The following PAM variants were observed in gnomAD, a reference collection of about 807,000 sequenced individuals.
The protein encoded by PAM is peptidylglycine alpha-amidating monooxygenase.
Under a neutral mutation model 122.1 loss-of-function variants are expected in PAM, and 72 were observed. That is an observed-to-expected ratio of 0.59 (90% CI 0.49 to 0.72). PAM has a LOEUF of 0.72. Ranked by LOEUF, PAM falls within the 30% of genes least tolerant of loss-of-function variation. The pLI is 0.00. For missense variants in PAM, 1,106 were observed against 1,183.7 expected (o/e 0.93, Z 0.96); for synonymous variants, 389 against 404.4 (o/e 0.96, Z 0.46).
chr5:102,930,149 ACAAT>A (rs1193303057), intron 7 of PAM, among the ~76,000 whole-genome samples: 5 of 152,220 alleles, frequency 3.3e-5, no homozygotes, highest in African/African-American at 1.2e-4. Context: ...TCCTTCAAAA[ACAAT>A]CAATTGTATT....
chr5:103,021,589 C>T (rs1783559563), intron 23 of PAM, among the ~76,000 whole-genome samples: 2 of 152,250 alleles, frequency 1.3e-5, no homozygotes, highest in South Asian at 4.1e-4. Context: ...TGGTCAAACC[C>T]AGCAGTTCAA....
intron 18 of PAM, among the ~76,000 whole-genome samples, chr5:103,006,212 A>G (rs551047283): frequency 1.3e-5 from 2 of 152,142 alleles, no homozygotes; most frequent in African/African-American, 4.8e-5. Context: ...GCTGTAATTA[A>G]CAGGTGTGGC....
intron 5 of PAM, among the ~76,000 whole-genome samples, chr5:102,915,518 T>G (rs946873816): frequency 6.6e-6 from 1 of 152,182 alleles, no homozygotes; most frequent in Non-Finnish European, 1.5e-5. Context: ...CATTCCCGTT[T>G]ATACTCTTCA....
chr5:102,896,441 T>C (rs775053040), intron 3 of PAM, among the ~76,000 whole-genome samples: 10 of 151,726 alleles, frequency 6.6e-5, no homozygotes, highest in Non-Finnish European at 1.5e-4. Flanking sequence ...TGTGAGTTTA[T>C]TGCCACCAAA....
chr5:102,864,540 TATC>T (rs1303573478), intron 1 of PAM: 2 of 152,216 alleles, frequency 1.3e-5, no homozygotes, highest in African/African-American at 2.4e-5. Context: ...AGAAAGCACT[TATC>T]ATGAAGAATC....
intron 1 of PAM, among the ~76,000 whole-genome samples, chr5:102,790,200 A>G (rs1346056289): frequency 6.6e-6 from 1 of 152,118 alleles, no homozygotes; most frequent in African/African-American, 2.4e-5. Context: ...TAGAAAACAC[A>G]GCATTTAAAA....
At chr5:102,996,001 T>C (rs1264694697) in intron 16 of PAM, among the ~76,000 whole-genome samples, 9 of 152,076 alleles carry the variant, frequency 5.9e-5, no homozygotes, top group Non-Finnish European at 1.3e-4. Flanking sequence ...ATATTTCATA[T>C]CTTCCTTCAG....
At chr5:102,954,918 A>G (rs1425049199) in intron 12 of PAM, among the ~76,000 whole-genome samples, 1 of 152,164 alleles carries the variant, frequency 6.6e-6, no homozygotes, top group African/African-American at 2.4e-5. Flanking sequence ...GGATACCAAC[A>G]TAGCACTTTA....
At chr5:103,016,766 TAA>T (rs976539585) in intron 21 of PAM, among the ~76,000 whole-genome samples, 2 of 152,196 alleles carry the variant, frequency 1.3e-5, no homozygotes, top group Non-Finnish European at 2.9e-5. Context: ...TTCAAGAGTA[TAA>T]AACCCCACAT....
At chr5:102,860,437 C>T (rs977969085) in intron 1 of PAM, among the ~76,000 whole-genome samples, 8 of 152,116 alleles carry the variant, frequency 5.3e-5, no homozygotes, top group African/African-American at 1.9e-4. Context: ...AAGGCTAGCA[C>T]TTTGGAAGGG....
intron 3 of PAM, among the ~76,000 whole-genome samples, chr5:102,892,531 T>C (rs1459421091): frequency 6.6e-6 from 1 of 151,832 alleles, no homozygotes; most frequent in Non-Finnish European, 1.5e-5. Context: ...GTATTATCTT[T>C]GTGATATGTC....
At chr5:102,927,075 G>T (rs1749820984) in intron 7 of PAM, among the ~76,000 whole-genome samples, 1 of 151,192 alleles carries the variant, frequency 6.6e-6, no homozygotes, top group Non-Finnish European at 1.5e-5. Context: ...TACCAAAGGG[G>T]TTCTCAAACA....
At chr5:102,832,920 A>T (rs190695934) in intron 1 of PAM, among the ~76,000 whole-genome samples, 1 of 152,190 alleles carries the variant, frequency 6.6e-6, no homozygotes, top group Admixed American at 6.5e-5. Flanking sequence ...ACCTTGAAAC[A>T]ATTAAAATCA....
At chr5:102,898,849 G>A (rs1796900066) in intron 3 of PAM, among the ~76,000 whole-genome samples, 1 of 151,526 alleles carries the variant, frequency 6.6e-6, no homozygotes, top group Admixed American at 6.6e-5. Flanking sequence ...TAATAACCTG[G>A]TACAAATTTC....
At chr5:103,009,628 T>C in intron 20 of PAM, 123 bp from the exon 21 acceptor site, 1 of 602,148 alleles carries the variant, frequency 1.7e-6, no homozygotes, top group Non-Finnish European at 3.1e-6. Context: ...TATTCTACTT[T>C]TGTTGCCAAT....
chr5:102,946,728 A>G lies in PAM; in HGVS notation c.527-109A>G. ...TCATAAAGAACCATACAGATGAAAC[A>G]TAACTTGTGTTTTAAAATATTTGGT... is the stretch of plus-strand genomic sequence containing the variant. On this transcript the variant is annotated intron_variant, in intron 7 of 25. Transcript: ENST00000438793. 3 of 713,172 alleles carry G rather than the reference A, an allele frequency of 4.2e-6. No homozygotes were observed. The East Asian group carries it at 8.1e-5, about 19-fold the overall frequency. The allele number at this position is 713,172 out of a possible 1,614,324, so 44.2% of individuals were successfully genotyped here.
chr5:102,836,926 G>A (rs1365426354), intron 1 of PAM, among the ~76,000 whole-genome samples: 2 of 147,704 alleles, frequency 1.4e-5, no homozygotes, highest in Admixed American at 6.7e-5. Flanking sequence ...TTCACAGGGT[G>A]AGGGAAAGCT....
intron 1 of PAM, among the ~76,000 whole-genome samples, chr5:102,764,091 C>T (rs980048780): frequency 1.3e-5 from 2 of 151,740 alleles, no homozygotes; most frequent in Admixed American, 6.6e-5. Context: ...TAATTGAACT[C>T]GGGAATAAGT....
intron 1 of PAM, among the ~76,000 whole-genome samples, chr5:102,779,720 A>G (rs1758101550): frequency 6.6e-6 from 1 of 151,612 alleles, no homozygotes; most frequent in Non-Finnish European, 1.5e-5. Flanking sequence ...CTCCCAGCCT[A>G]CATTTTTCTC....
Sources: allele counts gnomAD v4.1 joint callset (sites outside exome capture counted in the v4.1 genomes callset), GRCh38; gene constraint gnomAD v4.1.1; transcripts MANE v1.5; gene names NCBI Gene and HGNC (gene_info 2026-07-23, HGNC 2026-07-21).